ATP10A: variants seen among roughly 807,000 people sequenced by gnomAD.
ATP10A encodes the protein ATPase phospholipid transporting 10A (putative).
ATP10A carries 111 observed loss-of-function variants against 147.8 expected under a neutral mutation model. That is an observed-to-expected ratio of 0.75 (90% CI 0.64 to 0.88). ATP10A has a LOEUF of 0.88. Among genes scored for constraint, ATP10A ranks in the 40% least tolerant of loss-of-function variants. The pLI is 0.00. For missense variants in ATP10A, 1,927 were observed against 1,959.0 expected (o/e 0.98, Z 0.31); for synonymous variants, 875 against 841.6 (o/e 1.04, Z -0.69).
intron 1 of ATP10A, among the ~76,000 whole-genome samples, chr15:25,811,408 C>CA (rs1891426515): frequency 6.6e-6 from 1 of 151,712 alleles, no homozygotes; most frequent in Non-Finnish European, 1.5e-5. Context: ...GAGGAGGAAA[C>CA]AAAAAAAGGA....
intron 3 of ATP10A, among the ~76,000 whole-genome samples, chr15:25,731,732 G>C (rs1886947075): frequency 1.3e-5 from 2 of 152,176 alleles, no homozygotes; most frequent in African/African-American, 4.8e-5. Flanking sequence ...ACTATATGAG[G>C]ATCCTTCCAA....
chr15:25,843,762 T>C (rs1254090284), intron 1 of ATP10A, among the ~76,000 whole-genome samples: 1 of 152,152 alleles, frequency 6.6e-6, no homozygotes, highest in Non-Finnish European at 1.5e-5. Flanking sequence ...CTGAGCTATC[T>C]GGGAAAATCA....
At chr15:25,694,671 A>T (rs1900212704) in intron 14 of ATP10A, 148 bp downstream of exon 14, 1 of 745,354 alleles carries the variant, frequency 1.3e-6, no homozygotes, top group South Asian at 1.9e-5. Context: ...CCTTCGGAAC[A>T]TGTTGCCTGC....
chr15:25,705,445 A>AC (rs1900921790), intron 12 of ATP10A, among the ~76,000 whole-genome samples: 2 of 12,120 alleles, frequency 1.7e-4, no homozygotes, highest in East Asian at 2.3e-3. Context: ...CAAAGCAAAA[A>AC]AAAAAAAACA....
intron 7 of ATP10A, among the ~76,000 whole-genome samples, chr15:25,720,406 C>A (rs1449691874): frequency 6.6e-6 from 1 of 151,968 alleles, no homozygotes; most frequent in African/African-American, 2.4e-5. Context: ...GATCTCAAAA[C>A]CTATTCCTCG....
chr15:25,689,902 G>A (rs1424108208), intron 15 of ATP10A, among the ~76,000 whole-genome samples: 1 of 152,220 alleles, frequency 6.6e-6, no homozygotes, highest in African/African-American at 2.4e-5. Flanking sequence ...TCCAAAAGAT[G>A]TTTACTAGAC....
chr15:25,685,094 C>T (rs1226310937), intron 16 of ATP10A, among the ~76,000 whole-genome samples: 2 of 152,146 alleles, frequency 1.3e-5, no homozygotes, highest in Admixed American at 6.5e-5. Flanking sequence ...AAGATAAGTA[C>T]TCAGATAATT....
At chr15:25,855,098 GA>G (rs1334195405) in intron 1 of ATP10A, among the ~76,000 whole-genome samples, 2 of 150,644 alleles carry the variant, frequency 1.3e-5, no homozygotes, top group African/African-American at 4.9e-5. Flanking sequence ...GAAAATAGTG[GA>G]AACATGGAAA....
intron 2 of ATP10A, among the ~76,000 whole-genome samples, chr15:25,741,961 G>A (rs1011017187): frequency 6.6e-6 from 1 of 152,244 alleles, no homozygotes; most frequent in East Asian, 1.9e-4. Flanking sequence ...CACAGATTCA[G>A]TGTTACTCTA....
chr15:25,685,569 T>C (rs564812164), intron 16 of ATP10A, among the ~76,000 whole-genome samples: 44 of 152,288 alleles, frequency 2.9e-4, no homozygotes, highest in African/African-American at 9.9e-4. Flanking sequence ...TGGTGGTTCA[T>C]GCCTATAATA....
chr15:25,832,708 A>AT (rs1407104334), intron 1 of ATP10A, among the ~76,000 whole-genome samples: 20 of 152,314 alleles, frequency 1.3e-4, no homozygotes, highest in African/African-American at 4.8e-4. Flanking sequence ...GTTACTGGAT[A>AT]CTAAACTACA....
chr15:25,674,533 C>T (rs1899100113), downstream of ATP10A, among the ~76,000 whole-genome samples: 1 of 152,072 alleles, frequency 6.6e-6, no homozygotes, highest in Non-Finnish European at 1.5e-5. Context: ...TTCACGGCTT[C>T]GGGAATAATA....
Position 25,695,040 on chromosome 15 carries a change from GA to G in ATP10A, c.2866del (p.Ser956LeufsTer18). 6.2e-7 allele frequency: 1 copy of G among 1,614,194 alleles called. No individual in the cohort carries two copies. The highest frequency in any genetic ancestry group is 8.5e-7 in the Non-Finnish European group (1 of 1,180,044). ...AGTGGACGTGGAGGGTGGGCAGAGA[GA>G]GGAGAACCTCATGCTCACTTTGCCC... is the stretch of plus-strand genomic sequence containing the variant. ...TKGKVSMRFS[S>X]LCPPSTSTAS... On this transcript the variant is annotated frameshift_variant, in exon 14 of 21. Transcript: ENST00000555815. LOFTEE classifies it high-confidence loss of function.
At chr15:25,732,918 T>A (rs1440083776) in intron 3 of ATP10A, among the ~76,000 whole-genome samples, 1 of 152,124 alleles carries the variant, frequency 6.6e-6, no homozygotes, top group Non-Finnish European at 1.5e-5. Flanking sequence ...CATGTCAGCC[T>A]GTGAGGTTGA....
chr15:25,852,222 C>T (rs537072662), intron 1 of ATP10A, among the ~76,000 whole-genome samples: 1 of 151,698 alleles, frequency 6.6e-6, no homozygotes, highest in Non-Finnish European at 1.5e-5. Context: ...TCCCTCTATC[C>T]TCCCTCCTGT....
chr15:25,744,305 CA>C (rs1887729717), intron 2 of ATP10A, among the ~76,000 whole-genome samples: 1 of 151,998 alleles, frequency 6.6e-6, no homozygotes, highest in Non-Finnish European at 1.5e-5. Flanking sequence ...TAAACAAAAC[CA>C]GCAAAAGTCT....
intron 1 of ATP10A, among the ~76,000 whole-genome samples, chr15:25,835,401 C>T (rs61993769): frequency 0.21 from 31,669 of 152,126 alleles, 3,367 homozygotes; most frequent in South Asian, 0.24. Flanking sequence ...TTGTATGGTA[C>T]GTGAAGTGGG....
At chr15:25,821,591 C>T (rs1418167390) in intron 1 of ATP10A, among the ~76,000 whole-genome samples, 1 of 152,040 alleles carries the variant, frequency 6.6e-6, no homozygotes, top group Non-Finnish European at 1.5e-5. Context: ...CTGTGGCATC[C>T]AATTTTGGAA....
intron 2 of ATP10A, among the ~76,000 whole-genome samples, chr15:25,740,906 G>A (rs1429260176): frequency 6.6e-6 from 1 of 152,214 alleles, no homozygotes; most frequent in Non-Finnish European, 1.5e-5. Context: ...ATCCCTCCCA[G>A]CACCCATTCC....
Sources: gnomAD v4.1 joint callset for allele counts (sites outside exome capture counted in the v4.1 genomes callset) on GRCh38, gnomAD v4.1.1 for gene constraint, MANE v1.5 for transcripts, NCBI Gene and HGNC (gene_info 2026-07-23, HGNC 2026-07-21) for gene names.